The following TRPC5 variants were observed in gnomAD, a reference collection of about 807,000 sequenced individuals.
The protein encoded by TRPC5 is short transient receptor potential channel 5.
In TRPC5, 9 loss-of-function variants were observed where a neutral mutation model predicts 56.5. The ratio of observed to expected loss-of-function variants is 0.16; its 90% confidence interval spans 0.10 to 0.28. The LOEUF (loss-of-function observed/expected upper bound fraction) is 0.28, where lower values mean the gene tolerates loss of function less well. Among genes scored for constraint, TRPC5 ranks in the 10% least tolerant of loss-of-function variants. TRPC5 has a pLI of 1.00. For synonymous variants in TRPC5, 282 were observed against 278.5 expected, an observed-to-expected ratio of 1.01 and a Z score of -0.13; for missense variants, 469 against 748.9, an observed-to-expected ratio of 0.63 and a Z score of 4.36.
chrX:112,004,719 A>G (rs1349351217), intron 1 of TRPC5, among the ~76,000 whole-genome samples: 1 of 111,579 alleles, frequency 9.0e-6, no homozygotes, highest in Non-Finnish European at 1.9e-5. Flanking sequence ...TAGTGGGGGT[A>G]TTCTAAGTCA....
At chrX:111,778,893 A>T (rs1048070661) in intron 10 of TRPC5, 92 bp downstream of exon 10, 75 of 596,397 alleles carry the variant, frequency 1.3e-4, no homozygotes, top group Non-Finnish European at 1.9e-4. Context: ...TTGTAAGCAG[A>T]TGAAATTCCA....
chrX:112,023,234 GTTTTTTTTTTTGTTTT>G (rs1240695543), intron 1 of TRPC5, among the ~76,000 whole-genome samples: 11 of 45,960 alleles, frequency 2.4e-4, no homozygotes, highest in African/African-American at 8.8e-4. Flanking sequence ...GCGCCCAGCA[GTTTTTTTTTTTGTTTT>G]TTTTTTTTTT....
intron 2 of TRPC5, among the ~76,000 whole-genome samples, chrX:111,933,844 T>G (rs766752755): frequency 1.8e-5 from 2 of 111,497 alleles, no homozygotes; most frequent in South Asian, 7.6e-4. Context: ...ATAAATTTCT[T>G]TTTTTGTAAC....
chrX:111,855,460 T>C (rs929140095), intron 3 of TRPC5, among the ~76,000 whole-genome samples: 1 of 111,940 alleles, frequency 8.9e-6, no homozygotes, highest in East Asian at 2.8e-4. Flanking sequence ...TCAATAACCA[T>C]GTTAGCAGAA....
intron 1 of TRPC5, among the ~76,000 whole-genome samples, chrX:111,995,233 T>C (rs1339388685): frequency 8.9e-6 from 1 of 112,176 alleles, no homozygotes; most frequent in Non-Finnish European, 1.9e-5. Context: ...CATGTGGTTT[T>C]AGTCATTGGT....
intron 3 of TRPC5, chrX:111,896,097 G>A (rs1925046310): frequency 9.0e-6 from 1 of 111,019 alleles, no homozygotes; most frequent in African/African-American, 3.3e-5. Flanking sequence ...GTGACTTCAG[G>A]TAAGAAAAAC....
At chrX:111,997,132 G>C (rs935916595) in intron 1 of TRPC5, among the ~76,000 whole-genome samples, 2 of 111,726 alleles carry the variant, frequency 1.8e-5, no homozygotes, top group Non-Finnish European at 3.8e-5. Context: ...TGCAGTGGCT[G>C]GTACCGGTTG....
chrX:111,811,415 G>A (rs1046213394), intron 7 of TRPC5, among the ~76,000 whole-genome samples: 5 of 112,547 alleles, frequency 4.4e-5, no homozygotes, highest in East Asian at 2.8e-4. Flanking sequence ...ACACGCTTGC[G>A]CGTGCACACA....
intron 7 of TRPC5, among the ~76,000 whole-genome samples, chrX:111,800,681 G>T (rs969546021): frequency 9.1e-6 from 1 of 110,187 alleles, no homozygotes; most frequent in South Asian, 4.0e-4. Context: ...TTGTACACGG[G>T]AGGTGGAGGT....
chrX:111,835,680 C>T lies in TRPC5; in HGVS notation c.1701-564G>A, dbSNP rs1209264287. ...GCGGGCGCCTGTAGTCCCAGCTACT[C>T]GGGAGGCTGAGGCAGGAGAATGGTG... On this transcript the variant is annotated intron_variant, in intron 6 of 10. Coordinates refer to ENST00000262839, the MANE Select transcript of TRPC5 (RefSeq NM_012471.3). Among the ~76,000 whole-genome samples the T allele has an allele frequency of 3.6e-5, 4 of 111,448 alleles. No individual in the cohort carries two copies. In the South Asian group the frequency reaches 1.1e-3, roughly 32 times the overall value.
intron 6 of TRPC5, among the ~76,000 whole-genome samples, chrX:111,844,124 A>G (rs1407856678): frequency 1.8e-5 from 2 of 110,080 alleles, no homozygotes; most frequent in Non-Finnish European, 3.8e-5. Flanking sequence ...TATAGGTTGG[A>G]AGTGAAGATA....
At chrX:112,017,088 A>T (rs1415358252) in intron 1 of TRPC5, among the ~76,000 whole-genome samples, 1 of 111,696 alleles carries the variant, frequency 9.0e-6, no homozygotes, top group Non-Finnish European at 1.9e-5. Context: ...ATCTCGGCTC[A>T]CTGCAACCTC....
At chrX:112,032,725 T>C (rs1316626759) in intron 1 of TRPC5, among the ~76,000 whole-genome samples, 2 of 112,263 alleles carry the variant, frequency 1.8e-5, no homozygotes, top group African/African-American at 6.5e-5. Context: ...CTGAACCATT[T>C]TACATTCCCA....
chrX:111,881,141 C>A (rs60746150), intron 3 of TRPC5, among the ~76,000 whole-genome samples: 1,646 of 97,189 alleles, frequency 0.017, 28 homozygotes, highest in African/African-American at 0.08. Context: ...TTGTGATTTT[C>A]TTTTGTTTAT....
At chrX:111,913,732 G>A (rs779378270) in intron 2 of TRPC5, among the ~76,000 whole-genome samples, 14 of 111,156 alleles carry the variant, frequency 1.3e-4, no homozygotes, top group Non-Finnish European at 1.9e-4. Flanking sequence ...AGGCCGAGGC[G>A]AGCGGATCAT....
intron 1 of TRPC5, among the ~76,000 whole-genome samples, chrX:111,997,094 C>T (rs1394980957): frequency 9.0e-6 from 1 of 111,670 alleles, no homozygotes; most frequent in Non-Finnish European, 1.9e-5. Context: ...TTCTTAGCAT[C>T]GATGCTCTTT....
chrX:111,800,114 G>A (rs887955735), intron 7 of TRPC5, among the ~76,000 whole-genome samples: 1 of 110,483 alleles, frequency 9.1e-6, no homozygotes, highest in Admixed American at 9.7e-5. Flanking sequence ...CTCACACTGA[G>A]TGTACCTGCC....
At chrX:111,938,635 A>T (rs989109976) in intron 2 of TRPC5, among the ~76,000 whole-genome samples, 2 of 111,337 alleles carry the variant, frequency 1.8e-5, no homozygotes, top group Non-Finnish European at 3.8e-5. Flanking sequence ...TTCTGTTTAT[A>T]TGCTGGATTA....
intron 1 of TRPC5, among the ~76,000 whole-genome samples, chrX:112,054,645 G>A (rs1451685204): frequency 9.0e-6 from 1 of 111,063 alleles, no homozygotes; most frequent in Non-Finnish European, 1.9e-5. Flanking sequence ...AGTGACATGT[G>A]AGAGAGGTGA....
Sources: allele counts gnomAD v4.1 joint callset (sites outside exome capture counted in the v4.1 genomes callset), GRCh38; gene constraint gnomAD v4.1.1; transcripts MANE v1.5; gene names NCBI Gene and HGNC (gene_info 2026-07-23, HGNC 2026-07-21).